Variants in RIMS2 observed in about 807,000 individuals in gnomAD.
RIMS2 encodes the protein regulating synaptic membrane exocytosis 2.
In RIMS2, 59 loss-of-function variants were observed where a neutral mutation model predicts 174.4. The ratio of observed to expected loss-of-function variants is 0.34; its 90% CI spans 0.27 to 0.42. The LOEUF is 0.42. Ranked by LOEUF, RIMS2 falls within the 10% of genes least tolerant of loss-of-function variation. RIMS2 has a pLI of 1.00. For synonymous variants in RIMS2, 606 were observed against 572.5 expected (o/e 1.06, Z -0.84); for missense variants, 1,620 against 1,666.3 (o/e 0.97, Z 0.48).
intron 1 of RIMS2, among the ~76,000 whole-genome samples, chr8:103,611,036 C>T (rs1033159020): frequency 3.3e-5 from 5 of 152,098 alleles, no homozygotes; most frequent in African/African-American, 1.2e-4. Flanking sequence ...TCAATTTCTT[C>T]CTGGTTCAGT....
chr8:103,532,370 T>C (rs984478222), intron 1 of RIMS2, among the ~76,000 whole-genome samples: 1 of 152,224 alleles, frequency 6.6e-6, no homozygotes, highest in African/African-American at 2.4e-5. Context: ...TCTGATCAAC[T>C]TTTGATTAAA....
intron 19 of RIMS2, among the ~76,000 whole-genome samples, chr8:104,134,184 G>A (rs1381537236): frequency 6.6e-6 from 1 of 152,140 alleles, no homozygotes; most frequent in African/African-American, 2.4e-5. Flanking sequence ...ATACTTTGGG[G>A]CCAGGCACAG....
At chr8:103,723,677 A>T (rs979990293) in intron 2 of RIMS2, among the ~76,000 whole-genome samples, 3 of 152,060 alleles carry the variant, frequency 2.0e-5, no homozygotes, top group African/African-American at 4.8e-5. Context: ...TGATGACTGG[A>T]GCTACCAGGT....
intron 2 of RIMS2, among the ~76,000 whole-genome samples, chr8:103,702,895 G>A (rs1590715446): frequency 8.8e-6 from 1 of 114,052 alleles, no homozygotes; most frequent in African/African-American, 3.2e-5. Flanking sequence ...GAATTGCTTT[G>A]GCTATCTAGC....
chr8:103,711,424 G>C (rs181647524), intron 2 of RIMS2, among the ~76,000 whole-genome samples: 1 of 152,150 alleles, frequency 6.6e-6, no homozygotes, highest in Non-Finnish European at 1.5e-5. Context: ...ATGTGAGATG[G>C]CCATTTGTGA....
chr8:103,809,847 A>C (rs1232140682), intron 3 of RIMS2, among the ~76,000 whole-genome samples: 1 of 152,198 alleles, frequency 6.6e-6, no homozygotes, highest in Non-Finnish European at 1.5e-5. Context: ...GAGGTCATTT[A>C]GCAGGAAGCT....
intron 1 of RIMS2, among the ~76,000 whole-genome samples, chr8:103,612,018 T>C (rs2134231273): frequency 6.6e-6 from 1 of 152,314 alleles, no homozygotes; most frequent in Admixed American, 6.5e-5. Context: ...AATAGCTGTC[T>C]TCAAGGTCAG....
At chr8:104,170,180 G>A (rs968535292) in intron 19 of RIMS2, among the ~76,000 whole-genome samples, 2 of 151,962 alleles carry the variant, frequency 1.3e-5, no homozygotes, top group Non-Finnish European at 1.5e-5. Context: ...TGTTAAGTTC[G>A]TTTGTTCTAT....
At position 103,974,360 on chromosome 8, in the gene RIMS2, G is replaced by T. The variant is rs1414624531; in HGVS notation, c.2771-990G>T. Among the ~76,000 whole-genome samples the T allele has an allele frequency of 6.6e-5, 10 of 152,156 alleles. No individual in the cohort carries two copies. The South Asian group carries it at 1.9e-3, about 28-fold the overall frequency. On this transcript the variant is annotated intron_variant, in intron 15 of 23. Coordinates refer to ENST00000504942, the Ensembl canonical transcript of RIMS2. ...GCAGAGTTCCTAGCACGTAGTAAAAGGTCAATTACTAATAGCCACAAAGAG... is the reference window on the plus strand; with the variant it reads ...GCAGAGTTCCTAGCACGTAGTAAAATGTCAATTACTAATAGCCACAAAGAG...
intron 1 of RIMS2, among the ~76,000 whole-genome samples, chr8:103,633,052 A>T (rs2095979916): frequency 1.5e-5 from 2 of 134,440 alleles, no homozygotes; most frequent in South Asian, 2.3e-4. Flanking sequence ...TTTGAGATGG[A>T]GTCTTGCTGT....
chr8:104,069,463 C>CTTTTT (rs71297250), intron 19 of RIMS2, among the ~76,000 whole-genome samples: 27 of 91,964 alleles, frequency 2.9e-4, no homozygotes, highest in South Asian at 4.1e-4. Flanking sequence ...ATTAATTGTT[C>CTTTTT]TTTTTTTTTT....
At chr8:103,550,233 G>C (rs1051821778) in intron 1 of RIMS2, among the ~76,000 whole-genome samples, 5 of 152,112 alleles carry the variant, frequency 3.3e-5, no homozygotes, top group African/African-American at 1.2e-4. Flanking sequence ...AAATGTAAAA[G>C]AACAGAAATT....
chr8:103,763,448 A>AAG (rs1564548574), intron 2 of RIMS2, among the ~76,000 whole-genome samples: 1 of 151,664 alleles, frequency 6.6e-6, no homozygotes, highest in East Asian at 1.9e-4. Context: ...GGAAAAAAAA[A>AAG]AAGAAGAAGG....
intron 3 of RIMS2, among the ~76,000 whole-genome samples, chr8:103,853,412 G>A (rs1376675834): frequency 6.6e-6 from 1 of 151,884 alleles, no homozygotes; most frequent in Non-Finnish European, 1.5e-5. Flanking sequence ...GTCAATTTTT[G>A]TTTCCATTGC....
intron 1 of RIMS2, among the ~76,000 whole-genome samples, chr8:103,573,201 G>C (rs1588042733): frequency 6.6e-6 from 1 of 151,718 alleles, no homozygotes; most frequent in Non-Finnish European, 1.5e-5. Flanking sequence ...GACTACAGGT[G>C]CATGCCACCA....
At chr8:104,228,002 T>C (rs1261007307) in intron 19 of RIMS2, among the ~76,000 whole-genome samples, 3 of 151,404 alleles carry the variant, frequency 2.0e-5, no homozygotes, top group Admixed American at 2.0e-4. Flanking sequence ...TAACTCAGCC[T>C]CACTCTTTGT....
intron 19 of RIMS2, among the ~76,000 whole-genome samples, chr8:104,135,033 GTT>G (rs1340349770): frequency 6.6e-6 from 1 of 152,050 alleles, no homozygotes; most frequent in Non-Finnish European, 1.5e-5. Context: ...AATTCATGAA[GTT>G]TTTTTCATAA....
rs1004702930 is a variant in RIMS2 at position 103,515,783 on chromosome 8, T to A, written c.176+14721T>A. ...ATATTTCTATAATATTTTATAAATA[T>A]TAGTGTTTCAAAATCTTAATTTACC... is the stretch of plus-strand genomic sequence containing the variant. On this transcript the variant is annotated intron_variant, in intron 1 of 23. Transcript: ENST00000504942. Among the ~76,000 whole-genome samples, 7 of 152,104 alleles carry A rather than the reference T, an allele frequency of 4.6e-5. 1 individual carries two copies. The highest frequency in any genetic ancestry group is 2.1e-4 in the South Asian group (1 of 4,836).
At chr8:103,816,694 C>G (rs114029269) in intron 3 of RIMS2, among the ~76,000 whole-genome samples, 1 of 152,072 alleles carries the variant, frequency 6.6e-6, no homozygotes, top group African/African-American at 2.4e-5. Context: ...TTCTGGGATA[C>G]TGAGGGAACT....
Sources: gnomAD v4.1 joint callset for allele counts (sites outside exome capture counted in the v4.1 genomes callset) on GRCh38, gnomAD v4.1.1 for gene constraint, MANE v1.5 for transcripts, NCBI Gene and HGNC (gene_info 2026-07-23, HGNC 2026-07-21) for gene names.